The following SHANK2 variants were observed in gnomAD, a reference collection of about 807,000 sequenced individuals.
SHANK2 encodes the protein SH3 and multiple ankyrin repeat domains protein 2.
A neutral mutation model predicts 133.7 loss-of-function variants in SHANK2; 43 were observed. That is an observed-to-expected ratio of 0.32 (90% CI 0.25 to 0.41). SHANK2 has a LOEUF of 0.41. SHANK2 is among the 10% of genes least tolerant of loss of function. The pLI is 1.00. For missense variants in SHANK2, 1,994 were observed against 2,235.8 expected (o/e 0.89, Z 2.18); for synonymous variants, 1,017 against 952.8 (o/e 1.07, Z -1.24).
At position 70,804,872 on chromosome 11, in the gene SHANK2, C is replaced by G. The variant is rs1187622973; in HGVS notation, c.1663+2130G>C. Among the ~76,000 whole-genome samples, 1 of 152,196 alleles carries G rather than the reference C, an allele frequency of 6.6e-6. No individual in the cohort carries two copies. Among genetic ancestry groups the G allele is most frequent in the Non-Finnish European group, 1.5e-5 (1 of 68,028 alleles). ...TGATGGGGCTCATCACCGGCTCCCC[C>G]TCTCCCTTGAGCTCCTGCTCATCCA... On this transcript the variant is annotated intron_variant, in intron 13 of 25. Coordinates refer to ENST00000601538, the MANE Select transcript of SHANK2 (RefSeq NM_012309.5). The surrounding 1 kb of genome is among the most constrained non-coding windows in gnomAD (Gnocchi z 4.1).
intron 3 of SHANK2, among the ~76,000 whole-genome samples, chr11:71,136,610 C>T (rs1555104813): frequency 6.6e-6 from 1 of 152,180 alleles, no homozygotes; most frequent in African/African-American, 2.4e-5. Flanking sequence ...TGCATTTGTA[C>T]CCACTGAATT....
At chr11:71,153,234 G>A (rs1307573423) in intron 2 of SHANK2, among the ~76,000 whole-genome samples, 4 of 146,218 alleles carry the variant, frequency 2.7e-5, no homozygotes, top group African/African-American at 1.0e-4. Flanking sequence ...CAGAGGAGGG[G>A]AAGGTTACTC....
chr11:71,120,447 T>C (rs752359070), intron 3 of SHANK2, among the ~76,000 whole-genome samples: 16 of 152,210 alleles, frequency 1.1e-4, no homozygotes, highest in Non-Finnish European at 2.1e-4. Context: ...CCCTATCATC[T>C]TCCCAAGACA....
At chr11:71,070,568 C>T (rs893226065) in intron 9 of SHANK2, among the ~76,000 whole-genome samples, 66 of 151,864 alleles carry the variant, frequency 4.3e-4, no homozygotes, top group African/African-American at 1.5e-3. Flanking sequence ...CCACTCAATC[C>T]TGGGGAGGGG....
At position 70,820,451 on chromosome 11, in the gene SHANK2, G is replaced by A. The variant is rs1464476145; in HGVS notation, c.1406C>T (p.Pro469Leu). 1.4e-6 allele frequency: 1 copy of A among 714,138 alleles called. No homozygotes were observed. The highest frequency in any genetic ancestry group is 2.6e-6 in the Non-Finnish European group (1 of 382,696). The allele number at this position is 714,138 out of a possible 1,614,324, so 44.2% of individuals were successfully genotyped here. The part of the protein sequence containing the change: ...GAAKTIGSYV[P>L]GPRSRSPSLN... ...CGATGGGGACCGGCTGCGGGGCCCGGGCACGTAGCTCCCAATGGTCTTCGC... is the reference window on the plus strand; with the variant it reads ...CGATGGGGACCGGCTGCGGGGCCCGAGCACGTAGCTCCCAATGGTCTTCGC... Residue 469 changes from proline (P) to leucine (L), a missense_variant, in exon 12 of 26, where the codon CCC (proline) becomes CTC (leucine). Pro to Leu is a moderately conservative substitution (Grantham distance 98, BLOSUM62 -3). Coordinates refer to ENST00000601538, the MANE Select transcript of SHANK2 (RefSeq NM_012309.5).
At chr11:70,798,380 C>G (rs3017488) in intron 14 of SHANK2, 63 bp downstream of exon 14, 2 of 710,860 alleles carry the variant, frequency 2.8e-6, no homozygotes, top group African/African-American at 3.5e-5. Context: ...CGGACAACAC[C>G]GACCACGGGC....
intron 11 of SHANK2, among the ~76,000 whole-genome samples, chr11:70,836,194 T>C (rs1234288504): frequency 6.6e-6 from 1 of 152,218 alleles, no homozygotes; most frequent in African/African-American, 2.4e-5. Flanking sequence ...TGCCTCCTCT[T>C]TCTGAGCGGC....
rs564967218 is a variant in SHANK2, at chr11:70,815,403, C to T, written c.1493+4961G>A. Among the ~76,000 whole-genome samples the T allele has an allele frequency of 1.5e-3, 224 of 152,176 alleles. 3 individuals carry two copies. Among genetic ancestry groups the T allele is most frequent in the African/African-American group, 4.8e-3 (201 of 41,512 alleles). ...CAGCCCTGCCACAGGCTCTGGCTCA[C>T]CTGGGAGGGGCTTGTGCAGTGATGG... On this transcript the variant is annotated intron_variant, in intron 12 of 25. Transcript: ENST00000601538.
At chr11:70,923,469 T>C (rs974663098) in intron 10 of SHANK2, among the ~76,000 whole-genome samples, 1 of 152,196 alleles carries the variant, frequency 6.6e-6, no homozygotes, top group Non-Finnish European at 1.5e-5. Flanking sequence ...CTCAAACTCC[T>C]GACCTCAAGT....
At chr11:70,609,749 T>C (rs1343776367) in intron 17 of SHANK2, among the ~76,000 whole-genome samples, 1 of 3,538 alleles carries the variant, frequency 2.8e-4, no homozygotes, top group African/African-American at 5.4e-4. Context: ...CTATATTGCA[T>C]ATTGTATATA....
intron 17 of SHANK2, among the ~76,000 whole-genome samples, chr11:70,654,678 G>A (rs1362012672): frequency 3.3e-5 from 5 of 151,876 alleles, no homozygotes; most frequent in African/African-American, 1.2e-4. Context: ...CATTGCCACT[G>A]AACCATTCTC....
At chr11:70,940,812 G>A (rs782222485) in intron 10 of SHANK2, among the ~76,000 whole-genome samples, 3 of 152,116 alleles carry the variant, frequency 2.0e-5, no homozygotes, top group Admixed American at 1.3e-4. Context: ...TTCATGGAGG[G>A]TGCAAGAAAA....
chr11:70,720,961 T>A (rs1271343836), intron 14 of SHANK2, among the ~76,000 whole-genome samples: 1 of 152,190 alleles, frequency 6.6e-6, no homozygotes, highest in Admixed American at 6.5e-5. Flanking sequence ...GGAAAAATAA[T>A]CTCAAGGCTT....
rs782128763 is a variant in SHANK2 at position 70,487,421 on chromosome 11, G to T, written c.2872C>A (p.Arg958Ser). The T allele has an allele frequency of 9.9e-6, 16 of 1,613,972 alleles. No individual in the cohort carries two copies. The highest frequency in any genetic ancestry group is 1.3e-5 in the Non-Finnish European group (15 of 1,180,034). Reference protein sequence around the residue: ...KGMYFRRELDRYSLDSEDLYS... With the variant: ...KGMYFRRELDSYSLDSEDLYS... Reference sequence around the variant, plus strand: ...AGGTCTTCAGAGTCCAAGGAGTAGCGGTCCAGCTCTCTCCTGAAGTACATC... The same window carrying T: ...AGGTCTTCAGAGTCCAAGGAGTAGCTGTCCAGCTCTCTCCTGAAGTACATC... The change falls in exon 25 of 26, where the codon CGC (arginine) becomes AGC (serine). Residue 958 changes from arginine to serine, a missense_variant. This residue lies in a region of SHANK2 where 488 missense variants were observed against 642.6 expected (regional missense o/e 0.76). Transcript: ENST00000601538. This position sits in a 1 kb window ranked among gnomAD's most constrained non-coding sequence, Gnocchi z 5.8.
chr11:70,955,420 G>GT (rs1555087587), intron 10 of SHANK2, among the ~76,000 whole-genome samples: 1 of 72,566 alleles, frequency 1.4e-5, no homozygotes, highest in African/African-American at 6.3e-5. Context: ...ACAGACCCAC[G>GT]GGGTGTGTGT....
At chr11:71,190,986 A>G (rs1297099018) in intron 2 of SHANK2, among the ~76,000 whole-genome samples, 1 of 152,012 alleles carries the variant, frequency 6.6e-6, no homozygotes, top group Non-Finnish European at 1.5e-5. Context: ...CACTTCTCAG[A>G]GGAATTGGGG....
At chr11:70,784,823 G>A (rs988465736) in intron 14 of SHANK2, among the ~76,000 whole-genome samples, 2 of 152,232 alleles carry the variant, frequency 1.3e-5, no homozygotes, top group Admixed American at 6.5e-5. Flanking sequence ...CTTCAGCCCC[G>A]GGGCCAGGGC....
At chr11:70,508,783 G>T (rs2059164400) in intron 17 of SHANK2, among the ~76,000 whole-genome samples, 2 of 152,166 alleles carry the variant, frequency 1.3e-5, no homozygotes, top group Admixed American at 1.3e-4. Context: ...CAGCTACTTG[G>T]GAGGCTGAGG....
intron 14 of SHANK2, among the ~76,000 whole-genome samples, chr11:70,732,208 T>C (rs566690299): frequency 6.6e-6 from 1 of 152,168 alleles, no homozygotes; most frequent in Non-Finnish European, 1.5e-5. Flanking sequence ...ATCTCTGCCC[T>C]GGCGCCTCAT....
Sources: gnomAD v4.1 joint callset for allele counts (sites outside exome capture counted in the v4.1 genomes callset) on GRCh38, gnomAD v4.1.1 for gene constraint, gnomAD v4.1.1 regional missense constraint, Gnocchi (gnomAD v3.1) non-coding constraint, MANE v1.5 for transcripts, NCBI Gene and HGNC (gene_info 2026-07-23, HGNC 2026-07-21) for gene names.